KIDINS220: variants seen among roughly 807,000 people sequenced by gnomAD.
KIDINS220 encodes kinase D interacting substrate 220, also known as kinase D-interacting substrate of 220 kDa.
Under a neutral mutation model 157.6 loss-of-function variants are expected in KIDINS220, and 63 were observed. The ratio of observed to expected loss-of-function variants is 0.40; its 90% CI spans 0.33 to 0.49. The LOEUF (loss-of-function observed/expected upper bound fraction) is 0.49. Among genes scored for constraint, KIDINS220 ranks in the 20% least tolerant of loss-of-function variants. The pLI is 0.66. For missense variants in KIDINS220, 1,772 were observed against 2,171.2 expected (o/e 0.82, Z 3.65); for synonymous variants, 732 against 783.6 (o/e 0.93, Z 1.10).
At chr2:8,809,365 T>C (rs1050238287) in intron 6 of KIDINS220, among the ~76,000 whole-genome samples, 37 of 152,216 alleles carry the variant, frequency 2.4e-4, no homozygotes, top group African/African-American at 8.7e-4. Context: ...TCCTGAAAGC[T>C]CTGCAGTATC....
chr2:8,803,157 AAACGC>A (rs1251176920), intron 7 of KIDINS220, 30 bp from the exon 8 acceptor site: 1 of 1,531,086 alleles, frequency 6.5e-7, no homozygotes, highest in Admixed American at 1.8e-5. Flanking sequence ...AAACAAAACA[AAACGC>A]AAGCCCAAGA....
At chr2:8,786,054 A>G in intron 16 of KIDINS220, 24 bp from the exon 17 acceptor site, 2 of 1,581,076 alleles carry the variant, frequency 1.3e-6, no homozygotes, top group East Asian at 2.2e-5. Flanking sequence ...AATGGTTTTA[A>G]TAATTAACAT....
At chr2:8,759,719 T>A (rs543417887) in intron 22 of KIDINS220, among the ~76,000 whole-genome samples, 1 of 151,738 alleles carries the variant, frequency 6.6e-6, no homozygotes, top group South Asian at 2.1e-4. Flanking sequence ...GGAAGGTACA[T>A]TTAGGGGCTC....
At chr2:8,759,947 G>T (rs1228747151) in intron 22 of KIDINS220, among the ~76,000 whole-genome samples, 2 of 152,146 alleles carry the variant, frequency 1.3e-5, no homozygotes, top group Non-Finnish European at 2.9e-5. Context: ...GCTCAGAGAG[G>T]TAAGCAATGG....
chr2:8,751,750 G>A (rs1667392769), intron 22 of KIDINS220, 106 bp from the exon 23 acceptor site: 1 of 772,268 alleles, frequency 1.3e-6, no homozygotes, highest in African/African-American at 1.8e-5. Context: ...ATCTTGGTCT[G>A]ATGGATTTGG....
At chr2:8,832,562 C>G (rs936695506) in intron 1 of KIDINS220, among the ~76,000 whole-genome samples, 1 of 152,140 alleles carries the variant, frequency 6.6e-6, no homozygotes, top group Non-Finnish European at 1.5e-5. Context: ...AGGACACACA[C>G]CTGGCTGTAA....
chr2:8,762,809 T>C (rs1558368372), intron 22 of KIDINS220, among the ~76,000 whole-genome samples: 1 of 152,130 alleles, frequency 6.6e-6, no homozygotes, highest in Non-Finnish European at 1.5e-5. Context: ...ATTATAGCCA[T>C]ATAGTAGACA....
intron 2 of KIDINS220, among the ~76,000 whole-genome samples, chr2:8,819,206 G>A (rs543502878): frequency 1.3e-5 from 2 of 152,246 alleles, no homozygotes; most frequent in East Asian, 1.9e-4. Flanking sequence ...GAAATAGGAC[G>A]AGAAGAAGAA....
chr2:8,812,761 T>C (rs1014307215), intron 5 of KIDINS220, among the ~76,000 whole-genome samples: 2 of 152,140 alleles, frequency 1.3e-5, no homozygotes, highest in Admixed American at 1.3e-4. Context: ...TAAGTAAACA[T>C]ATATTATGAA....
chr2:8,793,965 A>G lies in KIDINS220; in HGVS notation c.1121T>C (p.Ile374Thr). ...VDKKGDTPLH[I>T]AIRGRSRKLA... is the part of the protein sequence containing the mutation. ...TTTCCGGCTCCTTCCACGAATAGCA[A>G]TATGCAAGGGAGTATCTCCTTTCTG... Residue 374 changes from isoleucine to threonine, a missense_variant, in exon 12 of 30, where the codon ATT (isoleucine) becomes ACT (threonine). Ile to Thr is a moderately conservative substitution (Grantham distance 89, BLOSUM62 -1). This residue lies in a region of KIDINS220 where 725 missense variants were observed against 1,017.1 expected (regional missense o/e 0.71). Coordinates refer to ENST00000256707, the MANE Select transcript of KIDINS220 (RefSeq NM_020738.4). 6.2e-7 allele frequency: 1 copy of G among 1,612,898 alleles called. No individual in the cohort carries two copies. Among genetic ancestry groups the G allele is most frequent in the African/African-American group, 1.3e-5 (1 of 74,970 alleles).
At chr2:8,818,876 T>C in intron 2 of KIDINS220, 83 bp from the exon 3 acceptor site, 1 of 660,546 alleles carries the variant, frequency 1.5e-6, no homozygotes, top group East Asian at 2.8e-5. Flanking sequence ...CCACACATTT[T>C]CATGAATGTA....
intron 4 of KIDINS220, among the ~76,000 whole-genome samples, chr2:8,815,669 A>C (rs148825803): frequency 1.2e-4 from 18 of 152,296 alleles, no homozygotes; most frequent in African/African-American, 4.1e-4. Context: ...ACTCCGTCTC[A>C]GGGGGAAAAA....
At position 8,817,878 on chromosome 2, in the gene KIDINS220, G is replaced by C. The variant is rs114655896; in HGVS notation, c.208-162C>G. Reference sequence around the variant, plus strand: ...TAAAGTCATACTGAAGCTCTCTTAAGATTCTATCTGTCCACTTGCATCACT... The same window carrying C: ...TAAAGTCATACTGAAGCTCTCTTAACATTCTATCTGTCCACTTGCATCACT... On this transcript the variant is annotated intron_variant, in intron 3 of 29. Transcript: ENST00000256707. 1.7e-3 allele frequency among the ~76,000 whole-genome samples: 252 copies of C among 152,280 alleles called. 2 individuals are homozygous for C. Among genetic ancestry groups the C allele is most frequent in the African/African-American group, 5.9e-3 (244 of 41,580 alleles).
intron 24 of KIDINS220, 133 bp downstream of exon 24, chr2:8,749,979 A>G: frequency 1.5e-6 from 1 of 684,386 alleles, no homozygotes; most frequent in Non-Finnish European, 2.4e-6. Flanking sequence ...CCTATATTTT[A>G]CATTCAAACT....
chr2:8,751,760 G>A, intron 22 of KIDINS220, 116 bp from the exon 23 acceptor site: 1 of 721,626 alleles, frequency 1.4e-6, no homozygotes, highest in Non-Finnish European at 2.2e-6. Context: ...GATGGATTTG[G>A]TCTAATTACA....
chr2:8,755,250 T>G (rs776153896), intron 22 of KIDINS220, among the ~76,000 whole-genome samples: 1 of 152,196 alleles, frequency 6.6e-6, no homozygotes, highest in Non-Finnish European at 1.5e-5. Flanking sequence ...TCGGTGCAAT[T>G]TCCCCCTCCT....
intron 11 of KIDINS220, among the ~76,000 whole-genome samples, chr2:8,795,142 G>A (rs969627762): frequency 6.6e-6 from 1 of 152,170 alleles, no homozygotes; most frequent in Non-Finnish European, 1.5e-5. Flanking sequence ...TCGCTCCCAT[G>A]CAACTCTCTA....
intron 4 of KIDINS220, among the ~76,000 whole-genome samples, chr2:8,814,359 C>A (rs1237013577): frequency 6.6e-6 from 1 of 152,012 alleles, no homozygotes; most frequent in African/African-American, 2.4e-5. Context: ...AAAGTTGGAA[C>A]AACTTGAGCA....
Position 8,813,318 on chromosome 2 carries a change from A to C in KIDINS220, c.324T>G (p.Leu108=). ...TACGGCCTTTGTAACATGCCCACAT[A>C]AGAGCTGTCCATCCTCCCTAAACAA... ...EHRDMGGWTA[L]MWACYKGRTD... is the part of the protein sequence containing the mutation. The change falls in exon 5 of 30, where the codon CTT becomes CTG. Residue 108 remains leucine (L), a synonymous_variant. Coordinates refer to ENST00000256707, the MANE Select transcript of KIDINS220 (RefSeq NM_020738.4). 6 of 1,612,916 alleles carry C rather than the reference A, an allele frequency of 3.7e-6. No homozygotes were observed. Among genetic ancestry groups the C allele is most frequent in the Non-Finnish European group, 5.1e-6 (6 of 1,179,518 alleles).
Sources: allele counts gnomAD v4.1 joint callset (sites outside exome capture counted in the v4.1 genomes callset), GRCh38; gene constraint gnomAD v4.1.1; regional missense constraint gnomAD v4.1.1; transcripts MANE v1.5; gene names NCBI Gene and HGNC (gene_info 2026-07-23, HGNC 2026-07-21).